PDE1C: variants seen among roughly 807,000 people sequenced by gnomAD.
PDE1C encodes dual specificity calcium/calmodulin-dependent 3',5'-cyclic nucleotide phosphodiesterase 1C.
PDE1C carries 62 observed loss-of-function variants against 93.1 expected under a neutral mutation model. That is an observed-to-expected ratio of 0.67 (90% CI 0.54 to 0.82). The LOEUF (loss-of-function observed/expected upper bound fraction) is 0.82. Among genes scored for constraint, PDE1C ranks in the 40% least tolerant of loss-of-function variants. The probability of loss-of-function intolerance (pLI) is 0.00; values close to 1 mark genes in which losing one functional copy is unlikely to be tolerated. For synonymous variants in PDE1C, 325 were observed against 310.1 expected (o/e 1.05, Z -0.50); for missense variants, 742 against 884.6 (o/e 0.84, Z 2.04).
chr7:32,182,019 C>T (rs1305710873), intron 2 of PDE1C, among the ~76,000 whole-genome samples: 3 of 152,200 alleles, frequency 2.0e-5, no homozygotes, highest in African/African-American at 7.2e-5. Context: ...ATACTATAAA[C>T]ACCTCTACAC....
At chr7:31,873,252 A>T in intron 6 of PDE1C, 40 bp downstream of exon 6, 2 of 1,176,280 alleles carry the variant, frequency 1.7e-6, no homozygotes, top group South Asian at 1.3e-5. Context: ...AAACATATGC[A>T]TGTAGTTTAT....
chr7:31,684,861 A>AG, the PDE1C span, among the ~76,000 whole-genome samples: 1 of 152,224 alleles, frequency 6.6e-6, no homozygotes, highest in Admixed American at 6.5e-5. Context: ...TTATTGTAAA[A>AG]GGAAACATGC....
intron 2 of PDE1C, among the ~76,000 whole-genome samples, chr7:32,032,770 T>G (rs573066920): frequency 1.3e-5 from 2 of 152,224 alleles, no homozygotes; most frequent in South Asian, 4.2e-4. Context: ...AACCAGGGCA[T>G]CAGTAACCGT....
intron 2 of PDE1C, among the ~76,000 whole-genome samples, chr7:32,002,609 A>G (rs1396851673): frequency 1.3e-5 from 2 of 152,216 alleles, no homozygotes; most frequent in African/African-American, 4.8e-5. Context: ...TTTTGTTTCC[A>G]GTATTATTAA....
At chr7:31,841,274 T>C (rs1314581329) in intron 9 of PDE1C, among the ~76,000 whole-genome samples, 1 of 151,692 alleles carries the variant, frequency 6.6e-6, no homozygotes, top group African/African-American at 2.4e-5. Context: ...TATGTGTATA[T>C]ATAATGTTTT....
the PDE1C span, among the ~76,000 whole-genome samples, chr7:31,742,757 A>G: frequency 6.6e-6 from 1 of 152,180 alleles, no homozygotes; most frequent in Non-Finnish European, 1.5e-5. Flanking sequence ...TGAAGTTTCT[A>G]GTTCTATTTT....
At chr7:32,221,850 G>A (rs1298132240) in intron 1 of PDE1C, among the ~76,000 whole-genome samples, 1 of 152,168 alleles carries the variant, frequency 6.6e-6, no homozygotes, top group African/African-American at 2.4e-5. Flanking sequence ...GGGTGATGGA[G>A]AGAAACTCAC....
intron 3 of PDE1C, among the ~76,000 whole-genome samples, chr7:32,147,706 C>A (rs1028449661): frequency 4.6e-5 from 7 of 152,104 alleles, no homozygotes; most frequent in South Asian, 4.1e-4. Flanking sequence ...CTCCCACCCC[C>A]CCTCCAAGCA....
downstream of PDE1C, among the ~76,000 whole-genome samples, chr7:31,747,598 G>T (rs980706265): frequency 1.3e-5 from 2 of 152,080 alleles, no homozygotes; most frequent in Admixed American, 1.3e-4. Flanking sequence ...CTGACACAAG[G>T]CTGGCCTACA....
At position 32,386,091 on chromosome 7, in the gene PDE1C, T is replaced by C. The variant is rs1264497824; in HGVS notation, c.310+41731A>G. Among the ~76,000 whole-genome samples the C allele has an allele frequency of 2.9e-4, 3 of 10,462 alleles. No individual in the cohort carries two copies. The East Asian group carries it at 0.12, about 436-fold the overall frequency. 6.9% of individuals were successfully genotyped at this position (10,462 alleles called of 152,430 possible). On this transcript the variant is annotated intron_variant, in intron 1 of 1. Transcript: ENST00000672256. ...TTTGTCCCTCCACCTTTTTCTTTCT[T>C]TTTTTTTTTTTTTTTTCCAGAAACA...
chr7:31,936,340 T>C (rs892079954), intron 2 of PDE1C, among the ~76,000 whole-genome samples: 16 of 152,024 alleles, frequency 1.1e-4, no homozygotes. Flanking sequence ...ATGGAAAGGA[T>C]TGTTTTTTCC....
chr7:31,766,400 T>G (rs1795152465), intron 17 of PDE1C, among the ~76,000 whole-genome samples: 1 of 150,348 alleles, frequency 6.7e-6, no homozygotes, highest in African/African-American at 2.4e-5. Context: ...AAAAAAATCT[T>G]TAATATAAAA....
At chr7:31,962,670 G>A (rs1809182577) in intron 2 of PDE1C, among the ~76,000 whole-genome samples, 1 of 152,202 alleles carries the variant, frequency 6.6e-6, no homozygotes. Context: ...TAGAAGGGAA[G>A]ATGGCTAACA....
chr7:32,307,293 A>T (rs1813029312), intron 1 of PDE1C, among the ~76,000 whole-genome samples: 1 of 152,120 alleles, frequency 6.6e-6, no homozygotes, highest in Non-Finnish European at 1.5e-5. Flanking sequence ...TAGCTTCATC[A>T]GCACCTAGAC....
chr7:31,965,491 C>A (rs1809778650), intron 2 of PDE1C, among the ~76,000 whole-genome samples: 2 of 152,154 alleles, frequency 1.3e-5, no homozygotes, highest in Admixed American at 1.3e-4. Flanking sequence ...ATTGGTGTAC[C>A]TGAAAGTGAC....
In PDE1C at chr7:32,029,227, T is replaced by C. The variant is rs193046679; in HGVS notation, c.128+22327A>G. ...AGATGGAGAAAAAAGGAAATCCTTA[T>C]ACATTGTTGGCAGGAATGTAAATTA... On this transcript the variant is annotated intron_variant, in intron 2 of 17. Coordinates refer to ENST00000396191, the MANE Select transcript of PDE1C (RefSeq NM_001191057.4). Among the ~76,000 whole-genome samples, 9 of 129,656 alleles carry C rather than the reference T, an allele frequency of 6.9e-5. No homozygotes were observed. The East Asian group carries it at 1.8e-3, about 26-fold the overall frequency. The allele number at this position is 129,656 out of a possible 152,430, so 85.1% of individuals were successfully genotyped here. A position where few individuals can be genotyped will look rare whatever the true frequency, so the allele number is the denominator to read the frequency against.
At chr7:31,679,053 C>T in the PDE1C span, among the ~76,000 whole-genome samples, 17 of 152,142 alleles carry the variant, frequency 1.1e-4, no homozygotes, top group Non-Finnish European at 2.1e-4. Context: ...TCCAAATGAA[C>T]CTATAATCTA....
At chr7:32,143,005 A>C (rs1375426607) in intron 3 of PDE1C, among the ~76,000 whole-genome samples, 1 of 152,088 alleles carries the variant, frequency 6.6e-6, no homozygotes, top group Admixed American at 6.6e-5. Context: ...TACCCTCAAA[A>C]AATGACAGCT....
chr7:31,627,447 C>G, the PDE1C span, among the ~76,000 whole-genome samples: 2 of 151,970 alleles, frequency 1.3e-5, no homozygotes, highest in South Asian at 4.1e-4. Context: ...CACTGACGCC[C>G]AGGAGTTCAA....
Sources: gnomAD v4.1 joint callset for allele counts (sites outside exome capture counted in the v4.1 genomes callset) on GRCh38, gnomAD v4.1.1 for gene constraint, MANE v1.5 for transcripts, NCBI Gene and HGNC (gene_info 2026-07-23, HGNC 2026-07-21) for gene names.